Variants in ARHGEF12 observed in about 807,000 individuals in gnomAD.
ARHGEF12 encodes the protein Rho guanine nucleotide exchange factor 12, also known as KMT2A/ARHGEF12 fusion protein.
In ARHGEF12, 66 loss-of-function variants were observed where a neutral mutation model predicts 211.2. The observed-to-expected ratio is 0.31, with a 90% CI of 0.26 to 0.38. The LOEUF (loss-of-function observed/expected upper bound fraction) is 0.38, where lower values mean the gene tolerates loss of function less well. Ranked by LOEUF, ARHGEF12 falls within the 10% of genes least tolerant of loss-of-function variation. ARHGEF12 has a pLI of 1.00. For missense variants in ARHGEF12, 1,429 were observed against 1,869.5 expected, an observed-to-expected ratio of 0.76 and a Z score of 4.34; for synonymous variants, 592 against 638.4, an observed-to-expected ratio of 0.93 and a Z score of 1.09.
intron 7 of ARHGEF12, among the ~76,000 whole-genome samples, chr11:120,426,615 T>C (rs1026713333): frequency 4.6e-5 from 7 of 152,200 alleles, no homozygotes; most frequent in Non-Finnish European, 1.0e-4. Context: ...GACTTTCTGA[T>C]AGAGAGCAAT....
chr11:120,351,443 ATATATATATATATTTTTTTTT>A (rs1222854844), intron 1 of ARHGEF12, among the ~76,000 whole-genome samples: 16 of 3,764 alleles, frequency 4.3e-3, no homozygotes, highest in African/African-American at 0.026. Flanking sequence ...ATATATATAT[ATATATATATATATTTTTTTTT>A]TTTTTTTTTT....
At chr11:120,417,842 C>CT (rs1317874227) in intron 4 of ARHGEF12, among the ~76,000 whole-genome samples, 1 of 152,038 alleles carries the variant, frequency 6.6e-6, no homozygotes, top group South Asian at 2.1e-4. Context: ...ATAAAGAATG[C>CT]TTTTTTTAAA....
chr11:120,429,692 A>G lies in ARHGEF12; in HGVS notation c.664-20A>G. 6.2e-7 allele frequency: 1 copy of G among 1,602,628 alleles called. No homozygotes were observed. Among genetic ancestry groups the G allele is most frequent in the Non-Finnish European group, 8.5e-7 (1 of 1,175,810 alleles). Reference sequence around the variant, plus strand: ...TTTACATAAGTAATTAATTCTGAAAATATTTTTATAACTTTTCAGTTATTG... The same window carrying G: ...TTTACATAAGTAATTAATTCTGAAAGTATTTTTATAACTTTTCAGTTATTG... On this transcript the variant is annotated intron_variant, in intron 9 of 40. Transcript: ENST00000397843.
Position 120,474,819 on chromosome 11 carries a change from T to C in ARHGEF12, c.3109+184T>C, listed in dbSNP as rs1946981965. On this transcript the variant is annotated intron_variant, in intron 32 of 40. Coordinates refer to ENST00000397843, the MANE Select transcript of ARHGEF12 (RefSeq NM_015313.3). ...CATTATATGTAAGATGTGTTAAATA[T>C]TCATTTAGGAATGTAGTGGAGAACT... Among the ~76,000 whole-genome samples the C allele has an allele frequency of 3.3e-5, 5 of 152,340 alleles. No individual in the cohort carries two copies. In the South Asian group the frequency reaches 1.0e-3, roughly 32 times the overall value.
At chr11:120,457,445 G>C in intron 23 of ARHGEF12, 195 bp downstream of exon 23, 3 of 514,204 alleles carry the variant, frequency 5.8e-6, no homozygotes, top group Non-Finnish European at 9.5e-6. Context: ...CCTGGGCAAC[G>C]TAGTGAGCCC....
In ARHGEF12 at chr11:120,336,610, C is replaced by G. The variant is rs1942357330; in HGVS notation, c.-634C>G. On this transcript the variant is annotated 5_prime_UTR_variant, in exon 1 of 41. Coordinates refer to ENST00000397843, the MANE Select transcript of ARHGEF12 (RefSeq NM_015313.3). ...GTCCGCGGCGCTGAGAGACCCGGGTCCCTGTCACCTCGGGCCGCGGGACCT... is the reference window on the plus strand; with the variant it reads ...GTCCGCGGCGCTGAGAGACCCGGGTGCCTGTCACCTCGGGCCGCGGGACCT... Among the ~76,000 whole-genome samples, 1 of 152,240 alleles carries G rather than the reference C, an allele frequency of 6.6e-6. No individual in the cohort carries two copies. Among genetic ancestry groups the G allele is most frequent in the South Asian group, 2.1e-4 (1 of 4,828 alleles).
chr11:120,375,202 T>C (rs945620172), intron 1 of ARHGEF12, among the ~76,000 whole-genome samples: 2 of 152,170 alleles, frequency 1.3e-5, no homozygotes, highest in Non-Finnish European at 2.9e-5. Flanking sequence ...TCATGGAAAC[T>C]GTGAACATTC....
chr11:120,423,356 C>A (rs1167938249), intron 6 of ARHGEF12, among the ~76,000 whole-genome samples: 1 of 151,934 alleles, frequency 6.6e-6, no homozygotes, highest in Admixed American at 6.6e-5. Context: ...GTATCAAAAG[C>A]CTTTAAGAAA....
At chr11:120,409,311 A>T in intron 3 of ARHGEF12, 83 bp from the exon 4 acceptor site, 1 of 1,380,434 alleles carries the variant, frequency 7.2e-7, no homozygotes, top group Non-Finnish European at 1.0e-6. Context: ...ATCATGATTC[A>T]TTCTTTTTTC....
In ARHGEF12 at chr11:120,460,681, A is replaced by G. The variant is rs1261359704; in HGVS notation, c.2537A>G (p.Asn846Ser). Residue 846 changes from asparagine to serine, a missense_variant, in exon 27 of 41, where the codon AAT (asparagine) becomes AGT (serine). By Grantham distance (46) the Asn-to-Ser change is conservative. Coordinates refer to ENST00000397843, the MANE Select transcript of ARHGEF12 (RefSeq NM_015313.3). ...EDILQLHIGL[N>S]EQMKAVRKRN... ...ATCTTTTTATCTTTAGTTGGATTGA[A>G]TGAACAAATGAAGGCTGTTCGAAAG... 1.2e-6 allele frequency: 2 copies of G among 1,613,274 alleles called. No individual in the cohort carries two copies. The highest frequency in any genetic ancestry group is 1.7e-6 in the Non-Finnish European group (2 of 1,179,604).
chr11:120,362,052 G>A (rs1444270863), intron 1 of ARHGEF12, among the ~76,000 whole-genome samples: 1 of 152,194 alleles, frequency 6.6e-6, no homozygotes, highest in Non-Finnish European at 1.5e-5. Flanking sequence ...GTGAATGATA[G>A]TGCTAGAGAT....
At chr11:120,399,243 CCCAGGAGT>C (rs1944477551) in intron 1 of ARHGEF12, among the ~76,000 whole-genome samples, 1 of 136,332 alleles carries the variant, frequency 7.3e-6, no homozygotes, top group African/African-American at 2.7e-5. Flanking sequence ...TTCCCTTGAG[CCCAGGAGT>C]TCGAGGTTAC....
At chr11:120,465,114 TA>T in intron 27 of ARHGEF12, 122 bp from the exon 28 acceptor site, 1 of 1,202,276 alleles carries the variant, frequency 8.3e-7, no homozygotes, top group Non-Finnish European at 1.2e-6. Context: ...TCCACATAGA[TA>T]TGCAGTTCTG....
chr11:120,381,511 C>T (rs113070816), intron 1 of ARHGEF12, among the ~76,000 whole-genome samples: 1,924 of 152,264 alleles, frequency 0.013, 32 homozygotes, highest in African/African-American at 0.043. Context: ...GTCAAAACAC[C>T]GTGTTCCAAA....
intron 35 of ARHGEF12, 34 bp downstream of exon 35, chr11:120,477,339 T>G: frequency 6.2e-7 from 1 of 1,610,816 alleles, no homozygotes. Context: ...TAGGACTTAT[T>G]TTATGTTTTG....
intron 1 of ARHGEF12, among the ~76,000 whole-genome samples, chr11:120,382,555 C>G (rs753410640): frequency 9.9e-5 from 15 of 152,220 alleles, no homozygotes; most frequent in Non-Finnish European, 2.2e-4. Flanking sequence ...TTCGCTGGTA[C>G]AGCTTTAGCT....
intron 1 of ARHGEF12, among the ~76,000 whole-genome samples, chr11:120,344,265 C>CAAAAAAAAAAAAA (rs71473103): frequency 9.4e-5 from 5 of 53,024 alleles, no homozygotes; most frequent in African/African-American, 3.6e-4. Context: ...GACTCCGTCT[C>CAAAAAAAAAAAAA]AAAAAAAAAA....
intron 7 of ARHGEF12, among the ~76,000 whole-genome samples, chr11:120,425,648 C>G (rs1945322744): frequency 6.6e-6 from 1 of 151,298 alleles, no homozygotes; most frequent in Non-Finnish European, 1.5e-5. Context: ...AATAGCATGA[C>G]AGTTATAACA....
intron 1 of ARHGEF12, among the ~76,000 whole-genome samples, chr11:120,402,829 T>G (rs1040966145): frequency 7.9e-5 from 12 of 152,262 alleles, no homozygotes; most frequent in African/African-American, 2.9e-4. Flanking sequence ...CTATTTATTA[T>G]AAGCAAATAT....
Sources: gnomAD v4.1 joint callset for allele counts (sites outside exome capture counted in the v4.1 genomes callset) on GRCh38, gnomAD v4.1.1 for gene constraint, MANE v1.5 for transcripts, NCBI Gene and HGNC (gene_info 2026-07-23, HGNC 2026-07-21) for gene names.